The following BNC1 variants were observed in gnomAD, a reference collection of about 807,000 sequenced individuals.
The protein encoded by BNC1 is basonuclin zinc finger protein 1, also known as zinc finger protein basonuclin-1.
A neutral mutation model predicts 66.5 loss-of-function variants in BNC1; 8 were observed. The ratio of observed to expected loss-of-function variants is 0.12; its 90% CI spans 0.07 to 0.22. BNC1 has a LOEUF of 0.22. Ranked by LOEUF, BNC1 falls within the 10% of genes least tolerant of loss-of-function variation. The pLI is 1.00. For missense variants in BNC1, 1,069 were observed against 1,241.3 expected (o/e 0.86, Z 2.09); for synonymous variants, 454 against 452.6 (o/e 1.00, Z -0.04).
At chr15:83,268,788 G>C (rs1281116359) in intron 1 of BNC1, among the ~76,000 whole-genome samples, 1 of 152,212 alleles carries the variant, frequency 6.6e-6, no homozygotes, top group Non-Finnish European at 1.5e-5. Context: ...GTGACTGTCA[G>C]AGACAGACAC....
chr15:83,283,409 G>C lies in BNC1; in HGVS notation c.99+1121C>G, dbSNP rs114195665. 6,412 of 1,267,998 alleles carry C rather than the reference G, an allele frequency of 5.1e-3. 284 individuals are homozygous for C. In the African/African-American group the frequency reaches 0.094, roughly 19 times the overall value. The allele number at this position is 1,267,998 out of a possible 1,614,324, so 78.5% of individuals were successfully genotyped here. On this transcript the variant is annotated intron_variant, in intron 1 of 4. Coordinates refer to ENST00000345382, the MANE Select transcript of BNC1 (RefSeq NM_001717.4). ...GCAGCGGCCTCCTCCTTCTCCGCCC[G>C]CGGCCCCCAGCCTCGCCGCCGCCGC...
Position 83,265,558 on chromosome 15 carries a change from C to T in BNC1, c.436-743G>A, listed in dbSNP as rs545666087. The stretch of plus-strand genomic sequence containing the variant: ...ATTGATTCCATATTTTTAATCCTAA[C>T]ACTAGAAAGCAAGATTATTAGGATC... On this transcript the variant is annotated intron_variant, in intron 3 of 4. Transcript: ENST00000345382. Among the ~76,000 whole-genome samples, 332 of 152,298 alleles carry T rather than the reference C, an allele frequency of 2.2e-3. 6 individuals carry two copies. The highest frequency in any genetic ancestry group is 7.9e-4 in the Non-Finnish European group (54 of 68,020).
chr15:83,284,427 AGGTGGCCCTCGGGT>A, intron 1 of BNC1, 89 bp downstream of exon 1: 1 of 702,082 alleles, frequency 1.4e-6, no homozygotes, highest in Non-Finnish European at 1.8e-6. Flanking sequence ...GGCCCTCGGG[AGGTGGCCCTCGGGT>A]ACCCACGGGA....
At chr15:83,269,265 C>T (rs1234011917) in intron 1 of BNC1, among the ~76,000 whole-genome samples, 5 of 152,084 alleles carry the variant, frequency 3.3e-5, no homozygotes, top group Non-Finnish European at 5.9e-5. Context: ...CAAAGCTTCA[C>T]GTATATTTTT....
chr15:83,258,417 T>A (rs2038107107), intron 4 of BNC1, among the ~76,000 whole-genome samples: 1 of 152,240 alleles, frequency 6.6e-6, no homozygotes, highest in Admixed American at 6.5e-5. Flanking sequence ...GTACCTCATG[T>A]CCTTTCTGTA....
chr15:83,270,004 A>C (rs1360096650), intron 1 of BNC1, among the ~76,000 whole-genome samples: 2 of 152,236 alleles, frequency 1.3e-5, no homozygotes, highest in African/African-American at 2.4e-5. Flanking sequence ...TTCTATTTAC[A>C]TGAAATGTCA....
intron 1 of BNC1, among the ~76,000 whole-genome samples, chr15:83,273,674 T>G (rs555628442): frequency 6.6e-6 from 1 of 152,328 alleles, no homozygotes; most frequent in East Asian, 1.9e-4. Flanking sequence ...AGATTGGGTT[T>G]TGCAGTCTTG....
At position 83,263,610 on chromosome 15, in the gene BNC1, C is replaced by T; in HGVS notation, c.1641G>A (p.Glu547=). 6.2e-7 allele frequency: 1 copy of T among 1,614,202 alleles called. No homozygotes were observed. Among genetic ancestry groups the T allele is most frequent in the Non-Finnish European group, 8.5e-7 (1 of 1,180,032 alleles). ...CATTAGCTATTTCCACAGCTTCTTTCTCTATTTTGATAGGCATACTGGACT... is the reference window on the plus strand; with the variant it reads ...CATTAGCTATTTCCACAGCTTCTTTTTCTATTTTGATAGGCATACTGGACT... ...SRKSSMPIKI[E]KEAVEIANEK... The change falls in exon 4 of 5, where the codon GAG becomes GAA. Residue 547 remains glutamate (E), a synonymous_variant. Coordinates refer to ENST00000345382, the MANE Select transcript of BNC1 (RefSeq NM_001717.4).
intron 1 of BNC1, among the ~76,000 whole-genome samples, chr15:83,279,895 A>G (rs1193616680): frequency 2.6e-5 from 4 of 152,218 alleles, no homozygotes; most frequent in Non-Finnish European, 4.4e-5. Flanking sequence ...TCTGGCAGAG[A>G]AAGGGCAGGT....
chr15:83,264,100 T>A lies in BNC1; in HGVS notation c.1151A>T (p.Lys384Met), dbSNP rs79108047. 1 of 1,614,200 alleles carries A rather than the reference T, an allele frequency of 6.2e-7. No homozygotes were observed. The highest frequency in any genetic ancestry group is 1.7e-5 in the Admixed American group (1 of 60,024). ...ACACCCTTCGATGGTGCACTTATGC[T>A]TGATCTTCAAGTGGACGGCATTGTA... Reference protein sequence around the residue: ...IHYNAVHLKIKHKCTIEGCNM... With the variant: ...IHYNAVHLKIMHKCTIEGCNM... The change falls in exon 4 of 5, where the codon AAG (lysine) becomes ATG (methionine). Residue 384 changes from lysine (K) to methionine (M), a missense_variant. Transcript: ENST00000345382.
intron 1 of BNC1, among the ~76,000 whole-genome samples, chr15:83,274,200 C>T (rs868144260): frequency 5.3e-5 from 8 of 152,190 alleles, no homozygotes; most frequent in Middle Eastern, 3.4e-3. Flanking sequence ...CTGGCTAACA[C>T]GGCAAAACCC....
Position 83,257,633 on chromosome 15 carries a change from G to T in BNC1, c.2794C>A (p.Leu932Ile), listed in dbSNP as rs1212843280. 1 of 1,614,174 alleles carries T rather than the reference G, an allele frequency of 6.2e-7. No homozygotes were observed. Among genetic ancestry groups the T allele is most frequent in the Non-Finnish European group, 8.5e-7 (1 of 1,180,034 alleles). The part of the protein sequence containing the change: ...LPSGLPITCH[L>I]CQKTYSNKGT... ...TTGTTACTGTATGTCTTTTGGCAGA[G>T]ATGACAGGTTATGGGCAACCCAGAA... The change falls in exon 5 of 5, where the codon CTC (leucine) becomes ATC (isoleucine). Residue 932 changes from leucine to isoleucine, a missense_variant. Coordinates refer to ENST00000345382, the MANE Select transcript of BNC1 (RefSeq NM_001717.4).
chr15:83,283,256 T>G, intron 1 of BNC1: 1 of 1,534,680 alleles, frequency 6.5e-7, no homozygotes, highest in Non-Finnish European at 8.7e-7. Context: ...TAATATCAGA[T>G]CTCCTTCACT....
At position 83,264,226 on chromosome 15, in the gene BNC1, T is replaced by C; in HGVS notation, c.1025A>G (p.Lys342Arg). The C allele has an allele frequency of 1.9e-6, 3 of 1,614,226 alleles. No individual in the cohort carries two copies. Among genetic ancestry groups the C allele is most frequent in the Non-Finnish European group, 2.5e-6 (3 of 1,180,044 alleles). The change falls in exon 4 of 5, where the codon AAA (lysine) becomes AGA (arginine). Residue 342 changes from lysine (K) to arginine (R), a missense_variant. Around this residue, in one of 7 missense-constraint regions of BNC1, gnomAD observed 82 missense variants for 136.3 expected, o/e 0.60. Transcript: ENST00000345382. ...FERTQLSPEA[K>R]VKPERNSLGT... ...AAGGCTATTCCTCTCAGGCTTCACT[T>C]TGGCCTCAGGGGATAACTGTGTCCT...
At chr15:83,273,333 A>G (rs532861838) in intron 1 of BNC1, among the ~76,000 whole-genome samples, 126 of 152,340 alleles carry the variant, frequency 8.3e-4, no homozygotes, top group Non-Finnish European at 1.3e-3. Flanking sequence ...ATAAATGAAA[A>G]CTTCTAAAAT....
intron 1 of BNC1, among the ~76,000 whole-genome samples, chr15:83,283,612 C>G (rs1465516927): frequency 3.3e-5 from 5 of 152,238 alleles, no homozygotes; most frequent in South Asian, 2.1e-4. Context: ...CAGCCGCGGG[C>G]TCCGCAGCCC....
chr15:83,283,429 C>T, intron 1 of BNC1: 1 of 1,241,554 alleles, frequency 8.1e-7, no homozygotes, highest in Non-Finnish European at 1.0e-6. Context: ...GCCTCGCCGC[C>T]GCCGCCCGGC....
chr15:83,279,553 ATG>A (rs1415742255), intron 1 of BNC1, among the ~76,000 whole-genome samples: 1 of 152,196 alleles, frequency 6.6e-6, no homozygotes, highest in African/African-American at 2.4e-5. Context: ...ACATGTACAT[ATG>A]TGTCAGGCCA....
chr15:83,264,487 G>A lies in BNC1; in HGVS notation c.764C>T (p.Ala255Val), dbSNP rs1372231092. Residue 255 changes from alanine to valine, a missense_variant, in exon 4 of 5, where the codon GCA becomes GTA. Physicochemically the swap from Ala to Val is moderately conservative, Grantham distance 64 (BLOSUM62 0). Transcript: ENST00000345382. Reference protein sequence around the residue: ...PFQFFNPLPPALIGSLPEQYM... With the variant: ...PFQFFNPLPPVLIGSLPEQYM... ...TTGTTCGGGCAATGACCCTATCAGTGCAGGAGGCAGAGGGTTGAAGAACTG... is the reference window on the plus strand; with the variant it reads ...TTGTTCGGGCAATGACCCTATCAGTACAGGAGGCAGAGGGTTGAAGAACTG... 6.2e-7 allele frequency: 1 copy of A among 1,614,056 alleles called. No homozygotes were observed. Among genetic ancestry groups the A allele is most frequent in the African/African-American group, 1.3e-5 (1 of 74,918 alleles).
Sources: allele counts gnomAD v4.1 joint callset (sites outside exome capture counted in the v4.1 genomes callset), GRCh38; gene constraint gnomAD v4.1.1; regional missense constraint gnomAD v4.1.1; transcripts MANE v1.5; gene names NCBI Gene and HGNC (gene_info 2026-07-23, HGNC 2026-07-21).